The following RNF6 variants were observed in gnomAD, a reference collection of about 807,000 sequenced individuals.
RNF6 encodes the protein E3 ubiquitin-protein ligase RNF6.
Under a neutral mutation model 50.1 loss-of-function variants are expected in RNF6, and 21 were observed. That is an observed-to-expected ratio of 0.42 (90% confidence interval 0.30 to 0.60). RNF6 has a LOEUF of 0.60. RNF6 is among the 20% of genes least tolerant of loss of function. The pLI is 0.20. For missense variants in RNF6, 698 were observed against 838.2 expected, an observed-to-expected ratio of 0.83 and a Z score of 2.07; for synonymous variants, 255 against 291.8, an observed-to-expected ratio of 0.87 and a Z score of 1.29.
chr13:26,173,872 A>AC (rs1358445679), intron 5 of RNF6, among the ~76,000 whole-genome samples: 1 of 147,206 alleles, frequency 6.8e-6, no homozygotes, highest in African/African-American at 2.5e-5. Flanking sequence ...AATCACTTGA[A>AC]CTGGGGAGTC....
chr13:26,142,640 A>G (rs1191829525), intron 5 of RNF6, among the ~76,000 whole-genome samples: 2 of 149,042 alleles, frequency 1.3e-5, no homozygotes, highest in African/African-American at 4.8e-5. Flanking sequence ...CTAATATCAC[A>G]TGTTCTATCT....
At chr13:26,193,976 A>G (rs903296719) in intron 5 of RNF6, among the ~76,000 whole-genome samples, 2 of 152,236 alleles carry the variant, frequency 1.3e-5, no homozygotes, top group African/African-American at 4.8e-5. Context: ...TAGAATAAGA[A>G]CGGAACAGAA....
intron 5 of RNF6, among the ~76,000 whole-genome samples, chr13:26,206,020 T>A (rs948943793): frequency 4.6e-5 from 7 of 152,026 alleles, no homozygotes; most frequent in Non-Finnish European, 7.4e-5. Context: ...CAAAAAATTT[T>A]AAAAAAATCT....
chr13:26,194,737 C>A (rs1593180115), intron 5 of RNF6, among the ~76,000 whole-genome samples: 1 of 152,260 alleles, frequency 6.6e-6, no homozygotes, highest in African/African-American at 2.4e-5. Context: ...GAGAGCCAGT[C>A]CAAGTCCCAA....
chr13:26,202,341 G>A (rs1039792756), intron 5 of RNF6, among the ~76,000 whole-genome samples: 1 of 152,184 alleles, frequency 6.6e-6, no homozygotes, highest in East Asian at 1.9e-4. Context: ...GCATTTCCAA[G>A]GGGGTGCTGC....
At position 26,219,680 on chromosome 13, in the gene RNF6, T is replaced by C. The variant is rs1825023900; in HGVS notation, c.-18-13A>G. On this transcript the variant is annotated splice_polypyrimidine_tract_variant and intron_variant, in intron 2 of 4. Transcript: ENST00000381588. ...GATTCCTGGCTTTCTGTTCAAACAA[T>C]ATAAACAACATTCAAGGTGTTAAGT... The C allele has an allele frequency of 6.9e-6, 11 of 1,604,884 alleles. No homozygotes were observed. Among genetic ancestry groups the C allele is most frequent in the Non-Finnish European group, 9.4e-6 (11 of 1,175,548 alleles).
intron 5 of RNF6, among the ~76,000 whole-genome samples, chr13:26,184,267 G>A (rs1873409170): frequency 6.6e-6 from 1 of 151,788 alleles, no homozygotes; most frequent in Non-Finnish European, 1.5e-5. Flanking sequence ...TCCTGACCTC[G>A]TGATTCGCCC....
At chr13:26,191,802 T>C (rs971628204) in intron 5 of RNF6, among the ~76,000 whole-genome samples, 3 of 152,202 alleles carry the variant, frequency 2.0e-5, no homozygotes, top group Admixed American at 6.5e-5. Flanking sequence ...GTTGGTGATA[T>C]GTGTTATGGA....
At chr13:26,220,601 G>A (rs888840271) in intron 2 of RNF6, among the ~76,000 whole-genome samples, 1 of 152,156 alleles carries the variant, frequency 6.6e-6, no homozygotes, top group Non-Finnish European at 1.5e-5. Context: ...TAAAAATCTA[G>A]ATGCCCAAAT....
At chr13:26,182,902 C>A (rs1026697597) in intron 5 of RNF6, among the ~76,000 whole-genome samples, 2 of 152,180 alleles carry the variant, frequency 1.3e-5, no homozygotes, top group African/African-American at 2.4e-5. Context: ...AAAAGAATTT[C>A]TTTGGTGACC....
chr13:26,172,492 C>T (rs1872740736), intron 5 of RNF6, among the ~76,000 whole-genome samples: 1 of 151,532 alleles, frequency 6.6e-6, no homozygotes, highest in African/African-American at 2.4e-5. Flanking sequence ...AACTTCTGTG[C>T]ATTAAAACAG....
At chr13:26,194,517 T>C (rs1208759779) in intron 5 of RNF6, among the ~76,000 whole-genome samples, 1 of 152,226 alleles carries the variant, frequency 6.6e-6, no homozygotes, top group Non-Finnish European at 1.5e-5. Flanking sequence ...GCCTGTTTAC[T>C]GCAGTTCCTT....
At chr13:26,171,877 A>G (rs535733035) in intron 5 of RNF6, among the ~76,000 whole-genome samples, 1 of 152,336 alleles carries the variant, frequency 6.6e-6, no homozygotes, top group African/African-American at 2.4e-5. Flanking sequence ...GAAAAAGTAG[A>G]ATAATAGAAG....
chr13:26,147,215 TC>T (rs1871296587), intron 5 of RNF6, among the ~76,000 whole-genome samples: 1 of 152,184 alleles, frequency 6.6e-6, no homozygotes, highest in Non-Finnish European at 1.5e-5. Context: ...TTCAAGTATT[TC>T]TTTTGAAGTG....
chr13:26,208,218 G>T (rs538366446), downstream of RNF6, among the ~76,000 whole-genome samples: 1 of 152,316 alleles, frequency 6.6e-6, no homozygotes, highest in Non-Finnish European at 1.5e-5. Flanking sequence ...TCCCTGAGAA[G>T]GGTGGACCAC....
At chr13:26,136,553 T>A (rs1310049773) in intron 5 of RNF6, among the ~76,000 whole-genome samples, 4 of 152,190 alleles carry the variant, frequency 2.6e-5, no homozygotes, top group African/African-American at 9.7e-5. Flanking sequence ...TTTATGAAAA[T>A]GAGTAATTTT....
chr13:26,157,956 A>AAGATAGAC (rs1491347248), intron 5 of RNF6, among the ~76,000 whole-genome samples: 4,826 of 146,736 alleles, frequency 0.033, 102 homozygotes, highest in East Asian at 0.07. Flanking sequence ...AGCTAGCTAG[A>AAGATAGAC]AGATAGATAG....
At chr13:26,160,812 T>C (rs1035026681) in intron 5 of RNF6, among the ~76,000 whole-genome samples, 6 of 152,138 alleles carry the variant, frequency 3.9e-5, no homozygotes, top group African/African-American at 1.4e-4. Flanking sequence ...CTCCTGGACT[T>C]AAAATGGCCT....
intron 5 of RNF6, chr13:26,132,573 C>A (rs1870446158): frequency 7.2e-5 from 23 of 317,370 alleles, no homozygotes; most frequent in South Asian, 6.4e-4. Flanking sequence ...ATTGCACTCA[C>A]TAGATAATAA....
Sources: gnomAD v4.1 joint callset for allele counts (sites outside exome capture counted in the v4.1 genomes callset) on GRCh38, gnomAD v4.1.1 for gene constraint, MANE v1.5 for transcripts, NCBI Gene and HGNC (gene_info 2026-07-23, HGNC 2026-07-21) for gene names.